ASCC2: variants seen among roughly 807,000 people sequenced by gnomAD.
The protein encoded by ASCC2 is ASC-1 complex subunit P100.
In ASCC2, 42 loss-of-function variants were observed where a neutral mutation model predicts 93.5. The ratio of observed to expected loss-of-function variants is 0.45; its 90% CI spans 0.35 to 0.58. The LOEUF is 0.58. Among genes scored for constraint, ASCC2 ranks in the 20% least tolerant of loss-of-function variants. The probability of loss-of-function intolerance (pLI) is 0.00; values close to 1 mark genes in which losing one functional copy is unlikely to be tolerated. For synonymous variants in ASCC2, 364 were observed against 384.2 expected, an observed-to-expected ratio of 0.95 and a Z score of 0.62; for missense variants, 859 against 977.6, an observed-to-expected ratio of 0.88 and a Z score of 1.62.
intron 15 of ASCC2, among the ~76,000 whole-genome samples, chr22:29,800,646 G>A (rs1345534121): frequency 6.6e-6 from 1 of 152,160 alleles, no homozygotes; most frequent in African/African-American, 2.4e-5. Flanking sequence ...GGAAAATCAG[G>A]TCAAAGAGTG....
At position 29,825,354 on chromosome 22, in the gene ASCC2, C is replaced by G; in HGVS notation, c.241-97G>C. On this transcript the variant is annotated intron_variant, in intron 3 of 19. Transcript: ENST00000307790. This position sits in a 1 kb window ranked among gnomAD's most constrained non-coding sequence, Gnocchi z 4.9. ...GGACTCAATGCCCATCAGCCCTGCCCTATTCCAAACACTCCGACCCCAAGG... is the reference window on the plus strand; with the variant it reads ...GGACTCAATGCCCATCAGCCCTGCCGTATTCCAAACACTCCGACCCCAAGG... 7.1e-7 allele frequency: 1 copy of G among 1,410,438 alleles called. No homozygotes were observed. The highest frequency in any genetic ancestry group is 9.6e-7 in the Non-Finnish European group (1 of 1,039,966). 87.4% of individuals were successfully genotyped at this position (1,410,438 alleles called of 1,614,324 possible).
chr22:29,824,251 T>TAC (rs60849755), intron 4 of ASCC2, among the ~76,000 whole-genome samples: 8,918 of 146,430 alleles, frequency 0.061, 444 homozygotes, highest in African/African-American at 0.14. Flanking sequence ...ATTTTTTAAA[T>TAC]ACACACACAC....
At chr22:29,809,035 G>C (rs1474500882) in intron 8 of ASCC2, among the ~76,000 whole-genome samples, 2 of 150,416 alleles carry the variant, frequency 1.3e-5, no homozygotes, top group Non-Finnish European at 3.0e-5. Flanking sequence ...CAGGAGAATT[G>C]CTTGAACCTG....
Position 29,825,983 on chromosome 22 carries a change from C to T in ASCC2, c.82-203G>A, listed in dbSNP as rs569582115. 8 of 525,580 alleles carry T rather than the reference C, an allele frequency of 1.5e-5. No homozygotes were observed. Among genetic ancestry groups the T allele is most frequent in the African/African-American group, 3.9e-5 (2 of 51,790 alleles). The allele number at this position is 525,580 out of a possible 1,614,324, so 32.6% of individuals were successfully genotyped here. The stretch of plus-strand genomic sequence containing the variant: ...AGGCGGTAATTAAAATCCATGTTTT[C>T]GGAGTGGATTTAATGACACGGGGAA... On this transcript the variant is annotated intron_variant, in intron 2 of 19. Coordinates refer to ENST00000307790, the MANE Select transcript of ASCC2 (RefSeq NM_032204.5). This position sits in a 1 kb window ranked among gnomAD's most constrained non-coding sequence, Gnocchi z 4.9.
intron 1 of ASCC2, among the ~76,000 whole-genome samples, chr22:29,837,499 G>C (rs2052235926): frequency 6.6e-6 from 1 of 152,140 alleles, no homozygotes; most frequent in Admixed American, 6.5e-5. Flanking sequence ...CAATAATCAT[G>C]ACTATGTCTG....
At chr22:29,822,193 T>A in intron 5 of ASCC2, 142 bp downstream of exon 5, 1 of 1,079,332 alleles carries the variant, frequency 9.3e-7, no homozygotes, top group Non-Finnish European at 1.3e-6. Flanking sequence ...GACACTCATA[T>A]ATCTGTTAAG....
intron 5 of ASCC2, chr22:29,821,839 T>TC (rs1294429365): frequency 2.9e-6 from 1 of 350,482 alleles, no homozygotes; most frequent in East Asian, 8.7e-5. Flanking sequence ...CTAAAAAAAA[T>TC]TTTTTTTTAA....
At chr22:29,814,247 A>C in intron 7 of ASCC2, among the ~76,000 whole-genome samples, 1 of 152,146 alleles carries the variant, frequency 6.6e-6, no homozygotes, top group East Asian at 1.9e-4. Context: ...TCTAAATTCC[A>C]TGAGCGCAGG....
chr22:29,814,753 G>A lies in ASCC2; in HGVS notation c.624C>T (p.Ile208=), dbSNP rs2060644670. The change falls in exon 7 of 20, where the codon ATC becomes ATT. Residue 208 remains isoleucine, a synonymous_variant. Transcript: ENST00000307790. ...CCCCTTGCAAACCACAGTGCTGGAG[G>A]ATATTGCTGAAGACCTGTGAAAGAC... ...LPTILQVFSN[I]LQHCGLQGDG... 1 of 1,610,698 alleles carries A rather than the reference G, an allele frequency of 6.2e-7. No homozygotes were observed. The highest frequency in any genetic ancestry group is 8.5e-7 in the Non-Finnish European group (1 of 1,178,610).
At chr22:29,822,193 T>C (rs889449936) in intron 5 of ASCC2, 142 bp downstream of exon 5, 1 of 1,079,332 alleles carries the variant, frequency 9.3e-7, no homozygotes, top group Admixed American at 2.2e-5. Flanking sequence ...GACACTCATA[T>C]ATCTGTTAAG....
chr22:29,792,232 T>G (rs1166044787), intron 18 of ASCC2, among the ~76,000 whole-genome samples: 1 of 152,034 alleles, frequency 6.6e-6, no homozygotes, highest in Non-Finnish European at 1.5e-5. Flanking sequence ...GTCCCCTAGG[T>G]CCTCACTAGT....
chr22:29,838,097 A>G, intron 1 of ASCC2, 81 bp downstream of exon 1: 1 of 452,034 alleles, frequency 2.2e-6, no homozygotes, highest in African/African-American at 2.0e-5. Context: ...AGGATGGGAG[A>G]GCCAAGGCTG....
rs779111491 is a variant in ASCC2 at position 29,801,078 on chromosome 22, G to A, written c.1601C>T (p.Thr534Met). Residue 534 changes from threonine (T) to methionine (M), a missense_variant, in exon 15 of 20, where the codon ACG becomes ATG. Physicochemically the swap from Thr to Met is moderately conservative, Grantham distance 81. Transcript: ENST00000307790. ...ATTCTGGAAGACGTTGTGGCGAGAC[G>A]TCAGCAGGGGTGTAGGGTCTGGTTT... The part of the protein sequence containing the change: ...EMKPDPTPLL[T>M]SRHNVFQNDE... 10 of 1,608,044 alleles carry A rather than the reference G, an allele frequency of 6.2e-6. No homozygotes were observed. The highest frequency in any genetic ancestry group is 2.2e-5 in the East Asian group (1 of 44,648).
chr22:29,793,662 T>G lies in ASCC2; in HGVS notation c.1703A>C (p.Glu568Ala), dbSNP rs937822852. 1.6e-5 allele frequency: 25 copies of G among 1,569,792 alleles called. 1 individual carries two copies. Among genetic ancestry groups the G allele is most frequent in the Admixed American group, 5.7e-5 (3 of 52,918 alleles). ...GTCGTTCAGCAAACTCCGCGTGTTTTCCTCCTTCCTGGTGCTGAGAAGGAA... is the reference window on the plus strand; with the variant it reads ...GTCGTTCAGCAAACTCCGCGTGTTTGCCTCCTTCCTGGTGCTGAGAAGGAA... ...VHKGKSTRKE[E>A]NTRSLLNDKR... Residue 568 changes from glutamate to alanine, a missense_variant, in exon 16 of 20, where the codon GAA (glutamate) becomes GCA (alanine). Coordinates refer to ENST00000307790, the MANE Select transcript of ASCC2 (RefSeq NM_032204.5).
chr22:29,834,366 G>A (rs2055884024), intron 1 of ASCC2: 1 of 390,232 alleles, frequency 2.6e-6, no homozygotes, highest in Non-Finnish European at 5.3e-6. Context: ...GCAGAGCAAA[G>A]GCAAGGAGGT....
chr22:29,796,076 C>A (rs1381122838), intron 15 of ASCC2, among the ~76,000 whole-genome samples: 4 of 151,792 alleles, frequency 2.6e-5, no homozygotes, highest in African/African-American at 9.7e-5. Flanking sequence ...GGACTGCAGC[C>A]TTCAGCATGG....
chr22:29,804,255 C>A (rs1028330929), intron 13 of ASCC2, among the ~76,000 whole-genome samples: 2 of 152,172 alleles, frequency 1.3e-5, no homozygotes, highest in African/African-American at 4.8e-5. Context: ...GAGGGGCTTC[C>A]AAGAAGGCCA....
In ASCC2 at chr22:29,806,223, A is replaced by G; in HGVS notation, c.1153T>C (p.Ser385Pro). The change falls in exon 12 of 20, where the codon TCA (serine) becomes CCA (proline). Residue 385 changes from serine to proline, a missense_variant. Physicochemically the swap from Ser to Pro is moderately conservative, Grantham distance 74. Transcript: ENST00000307790. ...EDISLLQQAS[S>P]VLDETRTAYI... ...GCTATGGTAGAAGGATACAAGACTG[A>G]TGAGGCCTGCTGCAGCAAGCTGATG... 6.2e-7 allele frequency: 1 copy of G among 1,614,088 alleles called. No homozygotes were observed. Among genetic ancestry groups the G allele is most frequent in the Non-Finnish European group, 8.5e-7 (1 of 1,179,998 alleles).
chr22:29,798,501 T>G (rs2058703478), intron 15 of ASCC2, among the ~76,000 whole-genome samples: 1 of 152,154 alleles, frequency 6.6e-6, no homozygotes, highest in Non-Finnish European at 1.5e-5. Flanking sequence ...CCCAAGAGAC[T>G]GGAAAGATAC....
Sources: allele counts gnomAD v4.1 joint callset (sites outside exome capture counted in the v4.1 genomes callset), GRCh38; gene constraint gnomAD v4.1.1; non-coding constraint Gnocchi (gnomAD v3.1); transcripts MANE v1.5; gene names NCBI Gene and HGNC (gene_info 2026-07-23, HGNC 2026-07-21).